Variants in CSMD1 observed in about 807,000 individuals in gnomAD.
CSMD1 encodes the protein CUB and sushi domain-containing protein 1.
In CSMD1, 213 loss-of-function variants were observed where a neutral mutation model predicts 417.5. That is an observed-to-expected ratio of 0.51 (90% CI 0.46 to 0.57). CSMD1 has a LOEUF of 0.57. Ranked by LOEUF, CSMD1 falls within the 20% of genes least tolerant of loss-of-function variation. The pLI, the probability that CSMD1 is intolerant of heterozygous loss-of-function variation, is 0.00. For missense variants in CSMD1, 6,923 were observed against 4,529.7 expected (o/e 1.53, Z -15.17); for synonymous variants, 2,862 against 1,736.8 (o/e 1.65, Z -16.11).
At chr8:3,570,883 A>G (rs1165492868) in intron 10 of CSMD1, among the ~76,000 whole-genome samples, 3 of 152,348 alleles carry the variant, frequency 2.0e-5, no homozygotes, top group Non-Finnish European at 4.4e-5. Context: ...AAACAATAGG[A>G]ACTCTAAGCT....
At chr8:3,457,903 A>G (rs1258208250) in intron 12 of CSMD1, among the ~76,000 whole-genome samples, 2 of 152,210 alleles carry the variant, frequency 1.3e-5, no homozygotes, top group Admixed American at 6.5e-5. Context: ...AGAAATGAGG[A>G]AGGCAGCCAT....
Position 2,965,783 on chromosome 8 carries a change from A to G in CSMD1, c.9272T>C (p.Val3091Ala). The G allele has an allele frequency of 1.2e-6, 2 of 1,604,478 alleles. No homozygotes were observed. The highest frequency in any genetic ancestry group is 1.3e-5 in the African/African-American group (1 of 74,948). The change falls in exon 59 of 70, where the codon GTC becomes GCC. Residue 3091 changes from valine (V) to alanine (A), a missense_variant. Transcript: ENST00000635120. ...AGAGTCACCAAACAAACCTTTGCAG[A>G]CAGGTTTGCTCGGATTCCACCTGCC... is the stretch of plus-strand genomic sequence containing the variant. ...KDGRWNPSKP[V>A]CKAVLCPQPP...
rs1024796458 is a variant in CSMD1, at chr8:3,843,565, T to C, written c.819-89523A>G. Among the ~76,000 whole-genome samples, 8 of 152,308 alleles carry C rather than the reference T, an allele frequency of 5.3e-5. No homozygotes were observed. In the East Asian group the frequency reaches 1.4e-3, roughly 26 times the overall value. ...AAAAAAAACAAGTTATTCACGATGC[T>C]TTTATGTCAATGCATCCAGTTGGAA... On this transcript the variant is annotated intron_variant, in intron 5 of 69. Transcript: ENST00000635120.
At chr8:4,992,453 C>G (rs766757456) in intron 1 of CSMD1, among the ~76,000 whole-genome samples, 12 of 152,184 alleles carry the variant, frequency 7.9e-5, no homozygotes, top group Non-Finnish European at 1.8e-4. Context: ...AGGAGGAAGC[C>G]CCGGGCCCAG....
chr8:3,787,126 G>C (rs1474335916), intron 5 of CSMD1, among the ~76,000 whole-genome samples: 3 of 152,074 alleles, frequency 2.0e-5, no homozygotes, highest in African/African-American at 4.8e-5. Context: ...TCAAGAGGAA[G>C]GGTAGTCAAA....
intron 2 of CSMD1, among the ~76,000 whole-genome samples, chr8:4,615,640 A>G (rs1052314954): frequency 2.0e-5 from 3 of 152,130 alleles, no homozygotes; most frequent in Admixed American, 1.3e-4. Flanking sequence ...AATAATAAAT[A>G]TATTTTTTTG....
intron 13 of CSMD1, 42 bp downstream of exon 13, chr8:3,409,381 T>G: frequency 6.5e-7 from 1 of 1,533,850 alleles, no homozygotes; most frequent in East Asian, 2.4e-5. Context: ...TGCAAGATCC[T>G]TGCAGGACAG....
In CSMD1 at chr8:4,982,881, T is replaced by C. The variant is rs149069688; in HGVS notation, c.85+11451A>G. Among the ~76,000 whole-genome samples, 20 of 152,302 alleles carry C rather than the reference T, an allele frequency of 1.3e-4. No homozygotes were observed. The Middle Eastern group carries it at 0.01, about 78-fold the overall frequency. On this transcript the variant is annotated intron_variant, in intron 1 of 69. Transcript: ENST00000635120. Reference sequence around the variant, plus strand: ...AGCAAAGAATGCAGGAAAGGTAATTTTGTAACTGCAGTTGTAAAAGAAAGA... The same window carrying C: ...AGCAAAGAATGCAGGAAAGGTAATTCTGTAACTGCAGTTGTAAAAGAAAGA...
intron 2 of CSMD1, among the ~76,000 whole-genome samples, chr8:4,435,668 G>T (rs1226178536): frequency 6.6e-6 from 1 of 152,176 alleles, no homozygotes; most frequent in African/African-American, 2.4e-5. Context: ...TTCCTGTGAG[G>T]TCACCCGAGT....
At chr8:4,563,674 C>T (rs570676134) in intron 2 of CSMD1, among the ~76,000 whole-genome samples, 1 of 152,254 alleles carries the variant, frequency 6.6e-6, no homozygotes, top group South Asian at 2.1e-4. Flanking sequence ...TTACACATTA[C>T]AAAATTTAAA....
intron 10 of CSMD1, among the ~76,000 whole-genome samples, chr8:3,567,137 A>T (rs1799748008): frequency 6.6e-6 from 1 of 152,188 alleles, no homozygotes; most frequent in South Asian, 2.1e-4. Context: ...GGCATGGATG[A>T]AGCCAGTATC....
intron 12 of CSMD1, among the ~76,000 whole-genome samples, chr8:3,460,751 C>T (rs897787306): frequency 2.6e-5 from 4 of 152,170 alleles, no homozygotes; most frequent in Non-Finnish European, 5.9e-5. Flanking sequence ...AATCTGTTGT[C>T]CAAATTCTCA....
intron 10 of CSMD1, among the ~76,000 whole-genome samples, chr8:3,533,962 T>C (rs1279660588): frequency 6.6e-6 from 1 of 152,198 alleles, no homozygotes; most frequent in Non-Finnish European, 1.5e-5. Context: ...AGAGGGCACA[T>C]GAAACAAAAT....
intron 2 of CSMD1, among the ~76,000 whole-genome samples, chr8:4,457,368 T>C (rs752023296): frequency 1.3e-5 from 2 of 152,066 alleles, no homozygotes; most frequent in African/African-American, 4.8e-5. Context: ...AAGAAGTGAT[T>C]GGGGCTTCCC....
At chr8:4,471,158 G>A (rs191927375) in intron 2 of CSMD1, among the ~76,000 whole-genome samples, 2 of 152,060 alleles carry the variant, frequency 1.3e-5, no homozygotes, top group African/African-American at 2.4e-5. Context: ...ATTATCACAT[G>A]CCAGGCCTTA....
chr8:3,795,659 C>CATGT lies in CSMD1; in HGVS notation c.819-41618_819-41617insACAT, dbSNP rs1203970490. Among the ~76,000 whole-genome samples, 5 of 31,372 alleles carry CATGT rather than the reference C, an allele frequency of 1.6e-4. 2 individuals are homozygous for CATGT. The highest frequency in any genetic ancestry group is 3.5e-4 in the African/African-American group (2 of 5,738). The allele number at this position is 31,372 out of a possible 152,430, so 20.6% of individuals were successfully genotyped here. A position where few individuals can be genotyped will look rare whatever the true frequency, so the allele number is the denominator to read the frequency against. On this transcript the variant is annotated intron_variant, in intron 5 of 69. Transcript: ENST00000635120. ...TGTATAGATATAGATATATATCTAT[C>CATGT]ATAGATATAGATATATATCTATCAT...
intron 6 of CSMD1, among the ~76,000 whole-genome samples, chr8:3,750,864 C>G (rs1797303807): frequency 6.6e-6 from 1 of 152,180 alleles, no homozygotes; most frequent in Admixed American, 6.5e-5. Context: ...ACTGGAGCTT[C>G]CATTCCTTGG....
At chr8:3,566,829 G>C (rs1056151254) in intron 10 of CSMD1, among the ~76,000 whole-genome samples, 1 of 152,202 alleles carries the variant, frequency 6.6e-6, no homozygotes, top group African/African-American at 2.4e-5. Flanking sequence ...CACTGTTGGT[G>C]AGAGTGTAAA....
At chr8:4,516,786 G>C (rs560564751) in intron 2 of CSMD1, among the ~76,000 whole-genome samples, 1 of 152,174 alleles carries the variant, frequency 6.6e-6, no homozygotes, top group South Asian at 2.1e-4. Context: ...TAAAGTTCTT[G>C]TTGACCAACC....
Sources: gnomAD v4.1 joint callset for allele counts (sites outside exome capture counted in the v4.1 genomes callset) on GRCh38, gnomAD v4.1.1 for gene constraint, MANE v1.5 for transcripts, NCBI Gene and HGNC (gene_info 2026-07-23, HGNC 2026-07-21) for gene names.